The following RSPO2 variants were observed in gnomAD, a reference collection of about 807,000 sequenced individuals.
RSPO2 encodes R-spondin-2.
In RSPO2, 14 loss-of-function variants were observed where a neutral mutation model predicts 30.9. The observed-to-expected ratio is 0.45, with a 90% CI of 0.30 to 0.71. The LOEUF (loss-of-function observed/expected upper bound fraction) is 0.71. RSPO2 is among the 30% of genes least tolerant of loss of function. The pLI, the probability that RSPO2 is intolerant of heterozygous loss-of-function variation, is 0.08. For synonymous variants in RSPO2, 107 were observed against 96.4 expected (o/e 1.11, Z -0.64); for missense variants, 264 against 301.9 (o/e 0.87, Z 0.93).
At chr8:107,917,757 A>C (rs1812024474) in intron 5 of RSPO2, among the ~76,000 whole-genome samples, 1 of 152,172 alleles carries the variant, frequency 6.6e-6, no homozygotes, top group Non-Finnish European at 1.5e-5. Context: ...ATGTTCCAAA[A>C]TTATGTGGAA....
chr8:108,082,299 C>G (rs1481541064), intron 2 of RSPO2, among the ~76,000 whole-genome samples: 1 of 152,226 alleles, frequency 6.6e-6, no homozygotes, highest in Non-Finnish European at 1.5e-5. Flanking sequence ...GCCCTGAGCG[C>G]CCGATTGGCG....
intron 5 of RSPO2, among the ~76,000 whole-genome samples, chr8:107,950,248 ATATG>A (rs1444728765): frequency 6.6e-6 from 1 of 152,172 alleles, no homozygotes; most frequent in Non-Finnish European, 1.5e-5. Context: ...AGATACATAC[ATATG>A]TGATTTTCCC....
At chr8:107,936,769 G>A (rs968655069) in intron 5 of RSPO2, among the ~76,000 whole-genome samples, 1 of 152,120 alleles carries the variant, frequency 6.6e-6, no homozygotes, top group East Asian at 1.9e-4. Context: ...AGTAATGTTG[G>A]TATTTTTTCA....
intron 3 of RSPO2, among the ~76,000 whole-genome samples, chr8:107,962,926 G>C (rs1207667138): frequency 6.6e-6 from 1 of 152,030 alleles, no homozygotes; most frequent in Non-Finnish European, 1.5e-5. Flanking sequence ...ATAGCAATAA[G>C]CATTTGGAAT....
At chr8:108,071,486 C>A (rs558370954) in intron 2 of RSPO2, among the ~76,000 whole-genome samples, 2 of 152,116 alleles carry the variant, frequency 1.3e-5, no homozygotes, top group Non-Finnish European at 2.9e-5. Flanking sequence ...AGTTTCTTGA[C>A]CCTAACAAAG....
At position 107,900,812 on chromosome 8, in the gene RSPO2, T is replaced by C. The variant is rs1811432412; in HGVS notation, c.*263A>G. 5.8e-6 allele frequency: 2 copies of C among 342,782 alleles called. No individual in the cohort carries two copies. The highest frequency in any genetic ancestry group is 1.1e-5 in the Non-Finnish European group (2 of 189,496). 21.2% of individuals were successfully genotyped at this position (342,782 alleles called of 1,614,324 possible). A position where few individuals can be genotyped will look rare whatever the true frequency, so the allele number is the denominator to read the frequency against. On this transcript the variant is annotated 3_prime_UTR_variant, in exon 6 of 6. Transcript: ENST00000276659. Reference sequence around the variant, plus strand: ...CAGCCTCACACCTCTAGCATGTCCATGGTGCCGGGGACGGATTCTCTCAGC... The same window carrying C: ...CAGCCTCACACCTCTAGCATGTCCACGGTGCCGGGGACGGATTCTCTCAGC...
chr8:108,076,663 A>G (rs1023541094), intron 2 of RSPO2, among the ~76,000 whole-genome samples: 4 of 152,202 alleles, frequency 2.6e-5, no homozygotes, highest in African/African-American at 9.7e-5. Context: ...GGGGCACAGA[A>G]AAGAAAGCGA....
At chr8:108,072,424 C>G (rs905636257) in intron 2 of RSPO2, among the ~76,000 whole-genome samples, 4 of 142,250 alleles carry the variant, frequency 2.8e-5, no homozygotes, top group Admixed American at 2.2e-4. Context: ...CTCCCGGGTT[C>G]ACGCCATTCT....
At chr8:108,003,531 T>C (rs1815352481) in intron 2 of RSPO2, among the ~76,000 whole-genome samples, 1 of 151,616 alleles carries the variant, frequency 6.6e-6, no homozygotes, top group African/African-American at 2.4e-5. Flanking sequence ...CATGCTTTGT[T>C]GATTTGCTAA....
At chr8:108,007,515 C>T (rs999866300) in intron 2 of RSPO2, among the ~76,000 whole-genome samples, 9 of 152,104 alleles carry the variant, frequency 5.9e-5, no homozygotes, top group Non-Finnish European at 1.2e-4. Context: ...CTGCCTTACA[C>T]GCCTGCTGAT....
intron 2 of RSPO2, among the ~76,000 whole-genome samples, chr8:108,062,554 CAA>C (rs1220162015): frequency 6.6e-6 from 1 of 151,616 alleles, no homozygotes; most frequent in Non-Finnish European, 1.5e-5. Context: ...GCCTACCAAC[CAA>C]AAAAAGTCCA....
chr8:108,067,335 A>G (rs971339557), intron 2 of RSPO2, among the ~76,000 whole-genome samples: 1 of 152,230 alleles, frequency 6.6e-6, no homozygotes, highest in African/African-American at 2.4e-5. Flanking sequence ...CAGGTAGATT[A>G]ATGACATTGA....
chr8:107,939,629 G>A (rs1812829493), intron 5 of RSPO2, among the ~76,000 whole-genome samples: 1 of 151,878 alleles, frequency 6.6e-6, no homozygotes, highest in Non-Finnish European at 1.5e-5. Context: ...GAAGTTTGTT[G>A]TAACATTTGT....
intron 5 of RSPO2, among the ~76,000 whole-genome samples, chr8:107,954,828 C>T (rs1813369267): frequency 6.6e-6 from 1 of 152,032 alleles, no homozygotes; most frequent in Admixed American, 6.6e-5. Context: ...CCAGGATGGT[C>T]TCGATTTATT....
intron 5 of RSPO2, among the ~76,000 whole-genome samples, chr8:107,932,869 C>T (rs1212571194): frequency 6.6e-6 from 1 of 152,150 alleles, no homozygotes; most frequent in African/African-American, 2.4e-5. Flanking sequence ...ATTGTAAGGA[C>T]ACTCATCCAC....
At chr8:107,954,999 A>G (rs970891029) in intron 5 of RSPO2, among the ~76,000 whole-genome samples, 3 of 152,140 alleles carry the variant, frequency 2.0e-5, no homozygotes, top group African/African-American at 7.2e-5. Context: ...GTCACAGGTC[A>G]TGTACAGATT....
chr8:107,999,085 C>T (rs1815134556), intron 2 of RSPO2, among the ~76,000 whole-genome samples: 1 of 151,808 alleles, frequency 6.6e-6, no homozygotes, highest in Non-Finnish European at 1.5e-5. Flanking sequence ...ATCTTTTTAT[C>T]TTTTCTTGAG....
rs142724350 is a variant in RSPO2, at chr8:107,913,344, A to T, written c.617-12154T>A. 4.3e-4 allele frequency among the ~76,000 whole-genome samples: 66 copies of T among 152,316 alleles called. 1 individual carries two copies. The East Asian group carries it at 0.013, about 29-fold the overall frequency. ...AACTGGTCATTCCTTTAAGTGGCTG[A>T]ATCTTTAAATTCATAAAATGAAGCC... On this transcript the variant is annotated intron_variant, in intron 5 of 5. Transcript: ENST00000276659.
At chr8:108,002,187 T>C (rs1815273027) in intron 2 of RSPO2, among the ~76,000 whole-genome samples, 1 of 152,230 alleles carries the variant, frequency 6.6e-6, no homozygotes, top group African/African-American at 2.4e-5. Context: ...GTTGACAGAC[T>C]GCTGGTGCTA....
Sources: allele counts gnomAD v4.1 joint callset (sites outside exome capture counted in the v4.1 genomes callset), GRCh38; gene constraint gnomAD v4.1.1; transcripts MANE v1.5; gene names NCBI Gene and HGNC (gene_info 2026-07-23, HGNC 2026-07-21).